Variants in ABCA13 observed in about 807,000 individuals in gnomAD.
ABCA13 encodes the protein ATP-binding cassette sub-family A member 13.
Under a neutral mutation model 478.7 loss-of-function variants are expected in ABCA13, and 476 were observed. The observed-to-expected ratio is 0.99, with a 90% confidence interval of 0.92 to 1.07. ABCA13 has a LOEUF of 1.07. Ranked by LOEUF, ABCA13 falls within the 50% of genes least tolerant of loss-of-function variation. The probability of loss-of-function intolerance (pLI) is 0.00; values close to 1 mark genes in which losing one functional copy is unlikely to be tolerated. For synonymous variants in ABCA13, 2,252 were observed against 2,158.9 expected (o/e 1.04, Z -1.20); for missense variants, 6,060 against 5,910.6 (o/e 1.03, Z -0.83).
Position 48,524,304 on chromosome 7 carries a change from A to C in ABCA13, c.14108A>C (p.Lys4703Thr), listed in dbSNP as rs1338500522. The C allele has an allele frequency of 1.2e-6, 2 of 1,613,072 alleles. No homozygotes were observed. Among genetic ancestry groups the C allele is most frequent in the East Asian group, 4.5e-5 (2 of 44,730 alleles). The change falls in exon 54 of 62, where the codon AAA becomes ACA. Residue 4703 changes from lysine to threonine, a missense_variant. Physicochemically the swap from Lys to Thr is moderately conservative, Grantham distance 78. Coordinates refer to ENST00000435803, the MANE Select transcript of ABCA13 (RefSeq NM_152701.5). ...TCTTCTAAGGATACAGATGTTGAAA[A>C]AGAGGAAAAGAGAGTGTTTGAAGGA... Reference protein sequence around the residue: ...VKSSKDTDVEKEEKRVFEGRT... With the variant: ...VKSSKDTDVETEEKRVFEGRT...
chr7:48,522,045 A>G (rs1028879463), intron 53 of ABCA13, among the ~76,000 whole-genome samples: 6 of 152,036 alleles, frequency 3.9e-5, no homozygotes, highest in African/African-American at 1.4e-4. Context: ...TCCCACAGGG[A>G]TATTTGTTGC....
intron 59 of ABCA13, among the ~76,000 whole-genome samples, chr7:48,633,603 G>A (rs1298827024): frequency 1.3e-5 from 2 of 151,906 alleles, no homozygotes; most frequent in Non-Finnish European, 2.9e-5. Flanking sequence ...TAGGCTGGGT[G>A]CGGTAGCTCA....
chr7:48,629,205 G>T (rs1225289422), intron 59 of ABCA13, among the ~76,000 whole-genome samples: 1 of 152,164 alleles, frequency 6.6e-6, no homozygotes, highest in Non-Finnish European at 1.5e-5. Context: ...CAGACTTAGT[G>T]CTGGTGTACA....
At chr7:48,562,134 GC>G (rs1786532248) in intron 55 of ABCA13, among the ~76,000 whole-genome samples, 1 of 150,296 alleles carries the variant, frequency 6.7e-6, no homozygotes, top group Admixed American at 6.6e-5. Flanking sequence ...AAGTTTGCCT[GC>G]CTTTTTTTTC....
intron 27 of ABCA13, among the ~76,000 whole-genome samples, chr7:48,329,116 G>A (rs1804789737): frequency 6.6e-6 from 1 of 152,186 alleles, no homozygotes; most frequent in South Asian, 2.1e-4. Flanking sequence ...ATCTTCAAGA[G>A]AATTTCAGGC....
At position 48,489,391 on chromosome 7, in the gene ABCA13, A is replaced by G. The variant is rs553625838; in HGVS notation, c.13291+47A>G. ...TGTAATTCACTACTTTCAAAAGACA[A>G]TGTTTTTAAAAGTGAAAGAAACAGA... On this transcript the variant is annotated intron_variant, in intron 48 of 61. Coordinates refer to ENST00000435803, the MANE Select transcript of ABCA13 (RefSeq NM_152701.5). 4.1e-6 allele frequency: 6 copies of G among 1,449,074 alleles called. No homozygotes were observed. In the South Asian group the frequency reaches 6.5e-5, roughly 16 times the overall value. The allele number at this position is 1,449,074 out of a possible 1,614,324, so 89.8% of individuals were successfully genotyped here.
chr7:48,409,772 T>C (rs1359516286), intron 39 of ABCA13, among the ~76,000 whole-genome samples: 1 of 151,972 alleles, frequency 6.6e-6, no homozygotes, highest in African/African-American at 2.4e-5. Context: ...TACATCTCCC[T>C]TGTCATCCAA....
intron 41 of ABCA13, among the ~76,000 whole-genome samples, chr7:48,422,758 T>A (rs373964940): frequency 1.4e-4 from 22 of 152,352 alleles, no homozygotes; most frequent in East Asian, 1.4e-3. Flanking sequence ...CATATGGGAC[T>A]GTGGCAGGAG....
intron 48 of ABCA13, among the ~76,000 whole-genome samples, chr7:48,500,282 G>A (rs1830629368): frequency 6.6e-6 from 1 of 152,144 alleles, no homozygotes; most frequent in Non-Finnish European, 1.5e-5. Flanking sequence ...GGGTATCATG[G>A]GAAGGTGCAG....
intron 48 of ABCA13, among the ~76,000 whole-genome samples, chr7:48,491,834 C>A (rs1422961669): frequency 6.6e-6 from 1 of 152,166 alleles, no homozygotes; most frequent in Non-Finnish European, 1.5e-5. Flanking sequence ...TAGCTTAATA[C>A]TTAGAGTGAA....
intron 5 of ABCA13, among the ~76,000 whole-genome samples, chr7:48,224,358 G>C (rs536557939): frequency 1.3e-5 from 2 of 152,216 alleles, no homozygotes; most frequent in African/African-American, 4.8e-5. Context: ...TCTCAGTCCT[G>C]GGCAACTGGG....
chr7:48,523,250 T>C (rs574221449), intron 53 of ABCA13, among the ~76,000 whole-genome samples: 1 of 152,334 alleles, frequency 6.6e-6, no homozygotes, highest in East Asian at 1.9e-4. Flanking sequence ...TCTCATCGTC[T>C]ATGTTCTCTG....
At chr7:48,504,261 G>T (rs1367512618) in intron 48 of ABCA13, among the ~76,000 whole-genome samples, 2 of 152,138 alleles carry the variant, frequency 1.3e-5, no homozygotes, top group East Asian at 3.9e-4. Context: ...GGAGATCTGT[G>T]TCTAGGTAAA....
intron 1 of ABCA13, 67 bp from the exon 2 acceptor site, chr7:48,192,892 A>G: frequency 8.0e-7 from 1 of 1,255,672 alleles, no homozygotes. Flanking sequence ...ACCTCCTTCA[A>G]GAGATGAAAA....
At chr7:48,381,626 A>G (rs1185114160) in intron 35 of ABCA13, among the ~76,000 whole-genome samples, 2 of 152,164 alleles carry the variant, frequency 1.3e-5, no homozygotes, top group African/African-American at 2.4e-5. Flanking sequence ...AAGAGTTTTC[A>G]TTGCATAAAC....
chr7:48,233,122 CT>C (rs1222884855), intron 7 of ABCA13, among the ~76,000 whole-genome samples: 6 of 151,462 alleles, frequency 4.0e-5, no homozygotes, highest in Non-Finnish European at 8.8e-5. Context: ...TCTTTAACAC[CT>C]TCCTGAAGTC....
intron 15 of ABCA13, among the ~76,000 whole-genome samples, chr7:48,257,562 T>C (rs1320642071): frequency 1.3e-5 from 2 of 152,214 alleles, no homozygotes; most frequent in Non-Finnish European, 2.9e-5. Flanking sequence ...GAGATGATCA[T>C]GTGGTTTTTG....
intron 51 of ABCA13, among the ~76,000 whole-genome samples, chr7:48,513,810 T>C (rs146892666): frequency 1.3e-5 from 2 of 152,198 alleles, no homozygotes; most frequent in African/African-American, 4.8e-5. Context: ...AATACGTTAA[T>C]TTGAGCCAAG....
chr7:48,259,736 G>A (rs922233615), intron 15 of ABCA13, among the ~76,000 whole-genome samples: 2 of 150,384 alleles, frequency 1.3e-5, no homozygotes, highest in Admixed American at 1.3e-4. Flanking sequence ...TTTTTGTGGC[G>A]CCCAGTAACT....
Sources: allele counts gnomAD v4.1 joint callset (sites outside exome capture counted in the v4.1 genomes callset), GRCh38; gene constraint gnomAD v4.1.1; transcripts MANE v1.5; gene names NCBI Gene and HGNC (gene_info 2026-07-23, HGNC 2026-07-21).